Variants in KPNA4 observed in about 807,000 individuals in gnomAD.
KPNA4 encodes importin subunit alpha-3.
A neutral mutation model predicts 71.3 loss-of-function variants in KPNA4; 13 were observed. That is an observed-to-expected ratio of 0.18 (90% CI 0.12 to 0.29). KPNA4 has a LOEUF of 0.29. Among genes scored for constraint, KPNA4 ranks in the 10% least tolerant of loss-of-function variants. The pLI is 1.00. For missense variants in KPNA4, 334 were observed against 603.2 expected, an observed-to-expected ratio of 0.55 and a Z score of 4.67; for synonymous variants, 189 against 195.2, an observed-to-expected ratio of 0.97 and a Z score of 0.26.
intron 5 of KPNA4, among the ~76,000 whole-genome samples, chr3:160,534,724 A>AAAAAAAAAAAG (rs1721649043): frequency 6.6e-6 from 1 of 150,656 alleles, no homozygotes; most frequent in Non-Finnish European, 1.5e-5. Flanking sequence ...CTCAGAAAAA[A>AAAAAAAAAAAG]AAAAAAAAAA....
intron 14 of KPNA4, 52 bp from the exon 15 acceptor site, chr3:160,508,321 C>T (rs952022927): frequency 5.4e-6 from 7 of 1,288,844 alleles, no homozygotes; most frequent in African/African-American, 1.5e-5. Flanking sequence ...ACTTTGTGTG[C>T]CATGTTATCT....
rs975981701 is a variant in KPNA4 at position 160,506,173 on chromosome 3, A to T, written c.1373-1121T>A. ...GCTTGGCCACTATATACTTTATTTTATTTTATTTTTTTTGAGACAGAGTCT... is the reference window on the plus strand; with the variant it reads ...GCTTGGCCACTATATACTTTATTTTTTTTTATTTTTTTTGAGACAGAGTCT... On this transcript the variant is annotated intron_variant, in intron 15 of 16. Coordinates refer to ENST00000334256, the MANE Select transcript of KPNA4 (RefSeq NM_002268.5). 1.1e-4 allele frequency among the ~76,000 whole-genome samples: 16 copies of T among 148,146 alleles called. No individual in the cohort carries two copies. The South Asian group carries it at 1.5e-3, about 14-fold the overall frequency.
intron 1 of KPNA4, among the ~76,000 whole-genome samples, chr3:160,564,873 C>T (rs953086662): frequency 6.7e-6 from 1 of 149,408 alleles, no homozygotes; most frequent in Non-Finnish European, 1.5e-5. Context: ...GCGGCCCGGC[C>T]GGGGCAGCAC....
intron 7 of KPNA4, among the ~76,000 whole-genome samples, chr3:160,528,334 G>A (rs4679891): frequency 0.53 from 79,603 of 151,518 alleles, 21,366 homozygotes; most frequent in Non-Finnish European, 0.55. Flanking sequence ...ATTATCTGTA[G>A]TTTGAAAAAA....
At chr3:160,561,723 A>AT (rs1369456551) in intron 1 of KPNA4, among the ~76,000 whole-genome samples, 2 of 152,048 alleles carry the variant, frequency 1.3e-5, no homozygotes, top group South Asian at 2.1e-4. Flanking sequence ...ATGTCTCTGT[A>AT]TTAAAACCTT....
At chr3:160,524,566 AC>A (rs1721424073) in intron 10 of KPNA4, among the ~76,000 whole-genome samples, 1 of 151,842 alleles carries the variant, frequency 6.6e-6, no homozygotes, top group African/African-American at 2.4e-5. Context: ...CTGGTCTCGA[AC>A]TCCTGCACTC....
chr3:160,565,180 G>A (rs766928611), intron 1 of KPNA4, 34 bp downstream of exon 1: 3 of 1,561,056 alleles, frequency 1.9e-6, no homozygotes, highest in Admixed American at 1.7e-5. Flanking sequence ...CAGGCCCACA[G>A]CCCCCACCCC....
intron 11 of KPNA4, among the ~76,000 whole-genome samples, chr3:160,516,217 CCT>C (rs1196938808): frequency 6.6e-6 from 1 of 152,000 alleles, no homozygotes; most frequent in Non-Finnish European, 1.5e-5. Context: ...GTCTCGAACC[CCT>C]GACTTTAGGT....
At chr3:160,515,846 C>G (rs901486075) in intron 11 of KPNA4, among the ~76,000 whole-genome samples, 1 of 151,576 alleles carries the variant, frequency 6.6e-6, no homozygotes, top group African/African-American at 2.4e-5. Context: ...AACTCCTAGG[C>G]TCAAGGGATC....
chr3:160,529,964 T>C (rs1345784166), intron 7 of KPNA4, among the ~76,000 whole-genome samples: 3 of 146,968 alleles, frequency 2.0e-5, no homozygotes, highest in African/African-American at 7.6e-5. Flanking sequence ...TGAAACCCCG[T>C]CTCTACTAAA....
intron 13 of KPNA4, among the ~76,000 whole-genome samples, chr3:160,511,849 T>C (rs1721101445): frequency 6.6e-6 from 1 of 151,830 alleles, no homozygotes; most frequent in Non-Finnish European, 1.5e-5. Flanking sequence ...TCCACAGATC[T>C]ATACATACCA....
chr3:160,510,337 C>A (rs1206152352), intron 13 of KPNA4, among the ~76,000 whole-genome samples: 9 of 136,020 alleles, frequency 6.6e-5, no homozygotes, highest in Non-Finnish European at 3.4e-5. Flanking sequence ...TTAAAAAATT[C>A]ATATACATAA....
At chr3:160,523,743 C>T (rs986865367) in intron 10 of KPNA4, among the ~76,000 whole-genome samples, 2 of 151,762 alleles carry the variant, frequency 1.3e-5, no homozygotes, top group Non-Finnish European at 2.9e-5. Flanking sequence ...CCCAGCTACT[C>T]GGGAGGCTGA....
chr3:160,524,159 G>C (rs750165027), intron 10 of KPNA4, among the ~76,000 whole-genome samples: 2 of 152,078 alleles, frequency 1.3e-5, no homozygotes, highest in African/African-American at 2.4e-5. Context: ...ATGTAAACAG[G>C]CTTGAGAAAT....
rs927269854 is a variant in KPNA4 at position 160,498,816 on chromosome 3, A to T, written c.*3288T>A. ...AGCAGAAAACCTAACTACACTCTTG[A>T]CCTACAGAAATTGTGAAATAATGTA... On this transcript the variant is annotated 3_prime_UTR_variant, in exon 17 of 17. Coordinates refer to ENST00000334256, the MANE Select transcript of KPNA4 (RefSeq NM_002268.5). The T allele has an allele frequency of 1.3e-5, 2 of 152,196 alleles. No individual in the cohort carries two copies. Among genetic ancestry groups the T allele is most frequent in the African/African-American group, 4.8e-5 (2 of 41,442 alleles). The allele number at this position is 152,196 out of a possible 1,614,324, so 9.4% of individuals were successfully genotyped here. A position where few individuals can be genotyped will look rare whatever the true frequency, so the allele number is the denominator to read the frequency against.
intron 15 of KPNA4, among the ~76,000 whole-genome samples, chr3:160,505,770 T>C (rs1044631700): frequency 1.3e-5 from 2 of 152,218 alleles, no homozygotes; most frequent in Non-Finnish European, 1.5e-5. Flanking sequence ...CTCATTCTGG[T>C]GATCTTCCCA....
chr3:160,550,348 C>A (rs975795471), intron 1 of KPNA4, among the ~76,000 whole-genome samples: 1 of 152,232 alleles, frequency 6.6e-6, no homozygotes. Context: ...GTCTCAAAAT[C>A]CTGGGCTCAA....
In KPNA4 at chr3:160,530,957, G is replaced by A; in HGVS notation, c.384-17C>T. 6.3e-7 allele frequency: 1 copy of A among 1,577,350 alleles called. No homozygotes were observed. Among genetic ancestry groups the A allele is most frequent in the Non-Finnish European group, 8.7e-7 (1 of 1,155,844 alleles). The stretch of plus-strand genomic sequence containing the variant: ...AAAGAAGGACTACAAAAAAAAACAA[G>A]TATTTTTAAACAGCAGGGATTTTTA... On this transcript the variant is annotated splice_polypyrimidine_tract_variant and intron_variant, in intron 6 of 16. Coordinates refer to ENST00000334256, the MANE Select transcript of KPNA4 (RefSeq NM_002268.5).
At position 160,500,125 on chromosome 3, in the gene KPNA4, TA is replaced by T. The variant is rs528501611; in HGVS notation, c.*1978del. 359 of 142,218 alleles carry T rather than the reference TA, an allele frequency of 2.5e-3. 1 individual carries two copies. Among genetic ancestry groups the T allele is most frequent in the Middle Eastern group, 0.011 (3 of 284 alleles). 8.8% of individuals were successfully genotyped at this position (142,218 alleles called of 1,614,324 possible). ...GCCATTGAATTATACTCTAACTTTA[TA>T]AAAAAAAAAAAATCCACACACCACA... On this transcript the variant is annotated 3_prime_UTR_variant, in exon 17 of 17. Transcript: ENST00000334256.
Sources: allele counts gnomAD v4.1 joint callset (sites outside exome capture counted in the v4.1 genomes callset), GRCh38; gene constraint gnomAD v4.1.1; transcripts MANE v1.5; gene names NCBI Gene and HGNC (gene_info 2026-07-23, HGNC 2026-07-21).